DDX10: variants seen among roughly 807,000 people sequenced by gnomAD.
The protein encoded by DDX10 is DEAD-box helicase 10.
In DDX10, 74 loss-of-function variants were observed where a neutral mutation model predicts 104.3. The observed-to-expected ratio is 0.71, with a 90% confidence interval of 0.59 to 0.86. The LOEUF (loss-of-function observed/expected upper bound fraction) is 0.86, where lower values mean the gene tolerates loss of function less well. Among genes scored for constraint, DDX10 ranks in the 40% least tolerant of loss-of-function variants. The pLI, the probability that DDX10 is intolerant of heterozygous loss-of-function variation, is 0.00. For missense variants in DDX10, 952 were observed against 1,040.0 expected, an observed-to-expected ratio of 0.92 and a Z score of 1.16; for synonymous variants, 351 against 353.4, an observed-to-expected ratio of 0.99 and a Z score of 0.08.
chr11:108,694,903 T>G (rs2094257646), intron 9 of DDX10, among the ~76,000 whole-genome samples: 1 of 148,762 alleles, frequency 6.7e-6, no homozygotes, highest in Non-Finnish European at 1.5e-5. Flanking sequence ...ACAAAACAAA[T>G]AAAAAAAAAC....
At chr11:108,935,749 C>T (rs576052895) in intron 17 of DDX10, among the ~76,000 whole-genome samples, 4 of 152,244 alleles carry the variant, frequency 2.6e-5, no homozygotes, top group Non-Finnish European at 5.9e-5. Flanking sequence ...GACTTCCAAC[C>T]TTTTCATCAT....
chr11:108,871,762 C>A (rs990154322), intron 16 of DDX10, among the ~76,000 whole-genome samples: 2 of 152,102 alleles, frequency 1.3e-5, no homozygotes, highest in African/African-American at 4.8e-5. Context: ...AACCCCATCT[C>A]TACTAAAAAT....
In DDX10 at chr11:108,934,221, CAATTA is replaced by C. The variant is rs1468670040; in HGVS notation, c.2451-6023_2451-6019del. ...AGGTGGATTTGAGAGATGATCAATTCAATTAAGGTTATAAAAGAGAAGGTAGCTCA... is the reference window on the plus strand; with the variant it reads ...AGGTGGATTTGAGAGATGATCAATTCAGGTTATAAAAGAGAAGGTAGCTCA... On this transcript the variant is annotated intron_variant, in intron 17 of 17. Transcript: ENST00000322536. Among the ~76,000 whole-genome samples the C allele has an allele frequency of 3.9e-5, 6 of 152,242 alleles. No individual in the cohort carries two copies. The South Asian group carries it at 8.3e-4, about 21-fold the overall frequency.
intron 13 of DDX10, among the ~76,000 whole-genome samples, chr11:108,834,160 A>T (rs1003416834): frequency 2.0e-5 from 3 of 147,778 alleles, no homozygotes; most frequent in Non-Finnish European, 4.5e-5. Flanking sequence ...GTAGAGACTG[A>T]GTGTCACCAA....
chr11:108,754,960 T>C (rs1309571829), intron 13 of DDX10, among the ~76,000 whole-genome samples: 1 of 152,068 alleles, frequency 6.6e-6, no homozygotes, highest in East Asian at 1.9e-4. Flanking sequence ...ATTTCCTGCC[T>C]TCACTATTTG....
rs1413017397 is a variant in DDX10 at position 108,824,143 on chromosome 11, A to G, written c.1966-14303A>G. 2.0e-5 allele frequency among the ~76,000 whole-genome samples: 3 copies of G among 152,184 alleles called. No homozygotes were observed. The East Asian group carries it at 5.8e-4, about 29-fold the overall frequency. On this transcript the variant is annotated intron_variant, in intron 13 of 17. Transcript: ENST00000322536. ...CTGCAACCTCTGCCTGCCAGGTTCA[A>G]GCGATTCTCCTGCCTCAGCCTCCCC...
chr11:108,912,355 C>T (rs1863691442), intron 16 of DDX10, among the ~76,000 whole-genome samples: 1 of 152,124 alleles, frequency 6.6e-6, no homozygotes, highest in South Asian at 2.1e-4. Context: ...CCCTGTAATC[C>T]ATAGAGTCTA....
chr11:108,723,539 A>G (rs2134477058), intron 13 of DDX10, 77 bp downstream of exon 13: 2 of 1,419,268 alleles, frequency 1.4e-6, no homozygotes, highest in Non-Finnish European at 1.9e-6. Flanking sequence ...GGGGACTGAG[A>G]GAAAGTGAAA....
At chr11:108,879,936 A>G (rs999020624) in intron 16 of DDX10, among the ~76,000 whole-genome samples, 4 of 152,212 alleles carry the variant, frequency 2.6e-5, no homozygotes, top group Non-Finnish European at 5.9e-5. Flanking sequence ...GCTTTAAGAC[A>G]TGATGTTAAA....
intron 15 of DDX10, among the ~76,000 whole-genome samples, chr11:108,851,596 T>G (rs1036924384): frequency 4.0e-5 from 6 of 149,482 alleles, no homozygotes; most frequent in African/African-American, 1.5e-4. Flanking sequence ...TAGTTATTAT[T>G]TTCTTCTGTT....
chr11:108,783,617 A>G (rs1861743293), intron 13 of DDX10, among the ~76,000 whole-genome samples: 2 of 152,216 alleles, frequency 1.3e-5, no homozygotes, highest in Admixed American at 6.5e-5. Flanking sequence ...TTAAATCCAG[A>G]GTATGGGAGA....
At chr11:108,682,222 A>C (rs2094236387) in intron 6 of DDX10, among the ~76,000 whole-genome samples, 3 of 152,068 alleles carry the variant, frequency 2.0e-5, no homozygotes, top group African/African-American at 7.2e-5. Context: ...TTACTGCCTC[A>C]GCTTCCCGAG....
intron 16 of DDX10, among the ~76,000 whole-genome samples, chr11:108,888,890 T>G (rs770550870): frequency 1.3e-5 from 2 of 152,160 alleles, no homozygotes. Context: ...GATTTAGTGA[T>G]AAGAACATAG....
intron 17 of DDX10, among the ~76,000 whole-genome samples, chr11:108,924,603 G>C (rs1863883838): frequency 1.3e-5 from 2 of 152,010 alleles, no homozygotes; most frequent in Admixed American, 6.5e-5. Context: ...TCTATCTTTT[G>C]AGTGAACTTG....
At chr11:108,876,005 G>T (rs1490304247) in intron 16 of DDX10, among the ~76,000 whole-genome samples, 1 of 152,196 alleles carries the variant, frequency 6.6e-6, no homozygotes, top group East Asian at 1.9e-4. Flanking sequence ...GAAGAAAATA[G>T]AACCTTGGAG....
At position 108,665,249 on chromosome 11, in the gene DDX10, C is replaced by T. The variant is rs1172218095; in HGVS notation, c.96C>T (p.Asn32=). 3.1e-6 allele frequency: 5 copies of T among 1,612,318 alleles called. No individual in the cohort carries two copies. The South Asian group carries it at 4.4e-5, about 14-fold the overall frequency. ...RWKKKHSHRQ[N]KKKQLRKQLK... ...AGAAAAAACACAGCCATAGGCAGAACAAAAAGAAGCAGTTGAGGAAGCAAC... is the reference window on the plus strand; with the variant it reads ...AGAAAAAACACAGCCATAGGCAGAATAAAAAGAAGCAGTTGAGGAAGCAAC... The change falls in exon 1 of 18, where the codon AAC becomes AAT. Residue 32 remains asparagine (N), a synonymous_variant. Transcript: ENST00000322536.
intron 13 of DDX10, among the ~76,000 whole-genome samples, chr11:108,801,596 C>T (rs1565282965): frequency 6.6e-6 from 1 of 152,154 alleles, no homozygotes; most frequent in Admixed American, 6.6e-5. Context: ...TTTCTTTTCA[C>T]CACTTTATAA....
rs1292683541 is a variant in DDX10, at chr11:108,841,417, C to G, written c.2188C>G (p.Gln730Glu). 2.5e-6 allele frequency: 4 copies of G among 1,613,726 alleles called. No homozygotes were observed. Among genetic ancestry groups the G allele is most frequent in the Non-Finnish European group, 3.4e-6 (4 of 1,179,842 alleles). ...CTTACATAAAGCAAAGGAAAGACTT[C>G]AGGAAGAGGACAAATTTGACAAAGA... Reference protein sequence around the residue: ...INLHKAKERLQEEDKFDKEEY... With the variant: ...INLHKAKERLEEEDKFDKEEY... Residue 730 changes from glutamine (Q) to glutamate (E), a missense_variant, in exon 15 of 18, where the codon CAG (glutamine) becomes GAG (glutamate). By Grantham distance (29) the Gln-to-Glu change is conservative (BLOSUM62 2). Around this residue, in one of 3 missense-constraint regions of DDX10, gnomAD observed 533 missense variants for 534.1 expected, o/e 1.00. Coordinates refer to ENST00000322536, the MANE Select transcript of DDX10 (RefSeq NM_004398.4).
At chr11:108,801,183 A>G (rs1464477517) in intron 13 of DDX10, among the ~76,000 whole-genome samples, 1 of 152,172 alleles carries the variant, frequency 6.6e-6, no homozygotes, top group East Asian at 1.9e-4. Context: ...TGTCAAGAAA[A>G]TGCTTAACTG....
Sources: allele counts gnomAD v4.1 joint callset (sites outside exome capture counted in the v4.1 genomes callset), GRCh38; gene constraint gnomAD v4.1.1; regional missense constraint gnomAD v4.1.1; transcripts MANE v1.5; gene names NCBI Gene and HGNC (gene_info 2026-07-23, HGNC 2026-07-21).